Variants in ZBTB38 observed in about 807,000 individuals in gnomAD.
ZBTB38 encodes the protein zinc finger and BTB domain containing 38, also known as zinc finger and BTB domain-containing protein 38.
In ZBTB38, 20 loss-of-function variants were observed where a neutral mutation model predicts 76.8. The ratio of observed to expected loss-of-function variants is 0.26; its 90% CI spans 0.18 to 0.38. ZBTB38 has a LOEUF of 0.38. Ranked by LOEUF, ZBTB38 falls within the 10% of genes least tolerant of loss-of-function variation. The probability of loss-of-function intolerance (pLI) is 1.00; values close to 1 mark genes in which losing one functional copy is unlikely to be tolerated. For missense variants in ZBTB38, 1,082 were observed against 1,482.3 expected (o/e 0.73, Z 4.43); for synonymous variants, 504 against 544.2 (o/e 0.93, Z 1.03).
intron 3 of ZBTB38, among the ~76,000 whole-genome samples, chr3:141,382,378 A>C (rs1259193173): frequency 1.3e-5 from 2 of 152,164 alleles, no homozygotes; most frequent in Non-Finnish European, 2.9e-5. Flanking sequence ...ACTAGCTATA[A>C]TTTTTAATAT....
At chr3:141,409,734 GATCA>G (rs764419273) in intron 5 of ZBTB38, among the ~76,000 whole-genome samples, 1 of 152,178 alleles carries the variant, frequency 6.6e-6, no homozygotes, top group Non-Finnish European at 1.5e-5. Context: ...ACACTGATCA[GATCA>G]ATCAATTTGT....
intron 5 of ZBTB38, among the ~76,000 whole-genome samples, chr3:141,410,973 G>A (rs1400832171): frequency 2.0e-5 from 3 of 152,180 alleles, no homozygotes; most frequent in African/African-American, 4.8e-5. Context: ...TCAGCAACCC[G>A]TGAAGGCAGG....
At chr3:141,426,344 C>T (rs1004563276) in intron 5 of ZBTB38, among the ~76,000 whole-genome samples, 8 of 152,202 alleles carry the variant, frequency 5.3e-5, no homozygotes, top group Non-Finnish European at 7.3e-5. Flanking sequence ...ACAGGTGAGT[C>T]TGATATGCAT....
chr3:141,343,429 A>G (rs1262927641), intron 1 of ZBTB38, among the ~76,000 whole-genome samples: 1 of 152,154 alleles, frequency 6.6e-6, no homozygotes, highest in East Asian at 1.9e-4. Context: ...ATTGTCAACA[A>G]GCAGATACAA....
chr3:141,438,687 G>A (rs1168326788), intron 5 of ZBTB38, among the ~76,000 whole-genome samples: 1 of 152,166 alleles, frequency 6.6e-6, no homozygotes, highest in Non-Finnish European at 1.5e-5. Flanking sequence ...ACTGCAGGCT[G>A]CGTGATTTTT....
Position 141,443,661 on chromosome 3 carries a change from C to T in ZBTB38, c.1273C>T (p.Pro425Ser). ...IGQNGGSFTG[P>S]EPLLSENRIG... The stretch of plus-strand genomic sequence containing the variant: ...ACAAAATGGAGGTTCATTCACAGGT[C>T]CAGAACCTTTATTATCTGAAAATAG... Residue 425 changes from proline to serine, a missense_variant, in exon 6 of 6, where the codon CCA becomes TCA. By Grantham distance (74) the Pro-to-Ser change is moderately conservative. Coordinates refer to ENST00000321464, the MANE Select transcript of ZBTB38 (RefSeq NM_001376113.1). This position sits in a 1 kb window ranked among gnomAD's most constrained non-coding sequence, Gnocchi z 5.6. 6.2e-7 allele frequency: 1 copy of T among 1,614,162 alleles called. No individual in the cohort carries two copies. Among genetic ancestry groups the T allele is most frequent in the Non-Finnish European group, 8.5e-7 (1 of 1,180,042 alleles).
chr3:141,398,259 T>C (rs1577030130), intron 4 of ZBTB38, among the ~76,000 whole-genome samples: 1 of 152,374 alleles, frequency 6.6e-6, no homozygotes, highest in Non-Finnish European at 1.5e-5. Context: ...TTTGTTTCAC[T>C]TCTAACAATG....
intron 5 of ZBTB38, among the ~76,000 whole-genome samples, chr3:141,430,276 A>G (rs2077217327): frequency 6.6e-6 from 1 of 152,140 alleles, no homozygotes; most frequent in Non-Finnish European, 1.5e-5. Context: ...CATGTTGGTC[A>G]GGGTGGCCTT....
intron 1 of ZBTB38, among the ~76,000 whole-genome samples, chr3:141,337,244 T>C (rs1245479019): frequency 6.6e-6 from 1 of 152,242 alleles, no homozygotes; most frequent in Non-Finnish European, 1.5e-5. Context: ...AATTTTTTAC[T>C]CCACAATACC....
intron 4 of ZBTB38, among the ~76,000 whole-genome samples, chr3:141,397,831 A>G (rs925240295): frequency 6.6e-6 from 1 of 152,208 alleles, no homozygotes; most frequent in Non-Finnish European, 1.5e-5. Flanking sequence ...AGTACCATCA[A>G]AGATCACTGA....
chr3:141,417,558 T>C (rs915622260), intron 5 of ZBTB38, among the ~76,000 whole-genome samples: 1 of 151,682 alleles, frequency 6.6e-6, no homozygotes, highest in Non-Finnish European at 1.5e-5. Context: ...ATTTTTCCCC[T>C]CTCTTTCATC....
intron 2 of ZBTB38, among the ~76,000 whole-genome samples, chr3:141,379,129 C>G (rs557147681): frequency 2.6e-5 from 4 of 152,194 alleles, no homozygotes; most frequent in Non-Finnish European, 5.9e-5. Flanking sequence ...GCTGCCTTCT[C>G]TTTGAAGCAT....
intron 4 of ZBTB38, among the ~76,000 whole-genome samples, chr3:141,401,979 T>C (rs908180444): frequency 2.0e-5 from 3 of 152,226 alleles, no homozygotes; most frequent in Admixed American, 6.5e-5. Context: ...CCAGTGTGCA[T>C]AGTCTCGAAC....
At chr3:141,435,401 A>G (rs2078532173) in intron 5 of ZBTB38, among the ~76,000 whole-genome samples, 1 of 152,200 alleles carries the variant, frequency 6.6e-6, no homozygotes, top group African/African-American at 2.4e-5. Context: ...CAGCATATTT[A>G]TATATTCATG....
At chr3:141,326,390 T>A (rs970651957) in intron 1 of ZBTB38, among the ~76,000 whole-genome samples, 6 of 151,922 alleles carry the variant, frequency 3.9e-5, no homozygotes, top group African/African-American at 1.5e-4. Context: ...TCCCAACCCA[T>A]GGAGAGGCAT....
At chr3:141,376,095 A>C (rs1416388541) in intron 2 of ZBTB38, among the ~76,000 whole-genome samples, 1 of 152,122 alleles carries the variant, frequency 6.6e-6, no homozygotes, top group Non-Finnish European at 1.5e-5. Context: ...ACCCACACCC[A>C]CTGATCACCT....
chr3:141,396,876 T>G (rs553947896), intron 4 of ZBTB38, among the ~76,000 whole-genome samples: 2 of 152,236 alleles, frequency 1.3e-5, no homozygotes, highest in Non-Finnish European at 2.9e-5. Context: ...AAACTAGATC[T>G]GCTGTCATCT....
rs773702168 is a variant in ZBTB38 at position 141,435,455 on chromosome 3, T to C, written c.1-6934T>C. On this transcript the variant is annotated intron_variant, in intron 5 of 5. Transcript: ENST00000321464. ...TGTGGCTATATACACATGTGTAATA[T>C]GCATTTTAAAAATATACTTTAGGCC... is the stretch of plus-strand genomic sequence containing the variant. Among the ~76,000 whole-genome samples, 9 of 152,276 alleles carry C rather than the reference T, an allele frequency of 5.9e-5. No individual in the cohort carries two copies. The Middle Eastern group carries it at 0.014, about 230-fold the overall frequency.
In ZBTB38 at chr3:141,444,730, C is replaced by T; in HGVS notation, c.2342C>T (p.Thr781Ile). The T allele has an allele frequency of 1.9e-6, 3 of 1,614,102 alleles. No individual in the cohort carries two copies. Among genetic ancestry groups the T allele is most frequent in the Non-Finnish European group, 1.7e-6 (2 of 1,180,034 alleles). ...AGCATTAAGGAGAAAAAGAAAACTA[C>T]ATCACATACCAGGGGAGAAATACCG... ...PKSIKEKKKT[T>I]SHTRGEIPEE... is the part of the protein sequence containing the mutation. The change falls in exon 6 of 6, where the codon ACA (threonine) becomes ATA (isoleucine). Residue 781 changes from threonine (T) to isoleucine (I), a missense_variant. By Grantham distance (89) the Thr-to-Ile change is moderately conservative. This residue lies in a region of ZBTB38 where 471 missense variants were observed against 581.0 expected (regional missense o/e 0.81). Transcript: ENST00000321464. This position sits in a 1 kb window ranked among gnomAD's most constrained non-coding sequence, Gnocchi z 5.1.
Sources: gnomAD v4.1 joint callset for allele counts (sites outside exome capture counted in the v4.1 genomes callset) on GRCh38, gnomAD v4.1.1 for gene constraint, gnomAD v4.1.1 regional missense constraint, Gnocchi (gnomAD v3.1) non-coding constraint, MANE v1.5 for transcripts, NCBI Gene and HGNC (gene_info 2026-07-23, HGNC 2026-07-21) for gene names.